The following MAOA variants were observed in gnomAD, a reference collection of about 807,000 sequenced individuals.
The protein encoded by MAOA is monoamine oxidase A, also known as amine oxidase [flavin-containing] A.
MAOA carries 6 observed loss-of-function variants against 42.0 expected under a neutral mutation model. That is an observed-to-expected ratio of 0.14 (90% CI 0.08 to 0.28). The LOEUF (loss-of-function observed/expected upper bound fraction) is 0.28, where lower values mean the gene tolerates loss of function less well. Among genes scored for constraint, MAOA ranks in the 10% least tolerant of loss-of-function variants. The pLI, the probability that MAOA is intolerant of heterozygous loss-of-function variation, is 1.00. For missense variants in MAOA, 262 were observed against 422.3 expected (o/e 0.62, Z 3.33); for synonymous variants, 140 against 154.0 (o/e 0.91, Z 0.67).
chrX:43,680,530 CCTTCTCCCCT>C (rs1183878519), intron 1 of MAOA, among the ~76,000 whole-genome samples: 1 of 110,847 alleles, frequency 9.0e-6, no homozygotes, highest in Non-Finnish European at 1.9e-5. Flanking sequence ...TTCCTTCCTT[CCTTCTCCCCT>C]CTCCTCCCCT....
chrX:43,717,135 G>A (rs1279457603), intron 5 of MAOA, among the ~76,000 whole-genome samples: 1 of 110,846 alleles, frequency 9.0e-6, no homozygotes, highest in Non-Finnish European at 1.9e-5. Flanking sequence ...ACCCTCAGGG[G>A]TAAGGGTAAA....
Position 43,712,730 on chromosome X carries a change from C to T in MAOA, c.437C>T (p.Ala146Val), listed in dbSNP as rs199524208. ...KEIPTDAPWE[A>V]QHADKWDKMT... ...ATTCCAACTGATGCACCCTGGGAGG[C>T]TCAACATGCTGACAAATGGGACAAA... The change falls in exon 5 of 15, where the codon GCT (alanine) becomes GTT (valine). Residue 146 changes from alanine (A) to valine (V), a missense_variant. This residue lies in a region of MAOA where 141 missense variants were observed against 195.6 expected (regional missense o/e 0.72). Transcript: ENST00000338702. 19 of 1,206,641 alleles carry T rather than the reference C, an allele frequency of 1.6e-5. No individual in the cohort carries two copies. In the Admixed American group the frequency reaches 2.6e-4, roughly 17 times the overall value.
At chrX:43,687,331 G>A (rs1222387269) in intron 2 of MAOA, among the ~76,000 whole-genome samples, 2 of 111,985 alleles carry the variant, frequency 1.8e-5, no homozygotes, top group Non-Finnish European at 3.8e-5. Context: ...AGGATTATTT[G>A]CTTTAAAGAT....
At chrX:43,669,002 TA>T (rs2033305830) in intron 1 of MAOA, among the ~76,000 whole-genome samples, 1 of 111,574 alleles carries the variant, frequency 9.0e-6, no homozygotes, top group African/African-American at 3.3e-5. Context: ...ATTTTGAGGA[TA>T]TTTTTCAGGT....
At chrX:43,662,485 GT>G (rs1281687114) in intron 1 of MAOA, among the ~76,000 whole-genome samples, 1 of 110,649 alleles carries the variant, frequency 9.0e-6, no homozygotes, top group African/African-American at 3.3e-5. Context: ...CTCAGCTATT[GT>G]GAAAAATGTA....
At chrX:43,702,383 G>C (rs995819678) in intron 3 of MAOA, among the ~76,000 whole-genome samples, 2 of 112,317 alleles carry the variant, frequency 1.8e-5, no homozygotes, top group African/African-American at 3.2e-5. Context: ...ACAGAAGTGA[G>C]AGAGAAAGAG....
At chrX:43,670,546 A>G (rs1242836835) in intron 1 of MAOA, among the ~76,000 whole-genome samples, 1 of 103,202 alleles carries the variant, frequency 9.7e-6, no homozygotes, top group Non-Finnish European at 2.0e-5. Flanking sequence ...TGCTGCACCC[A>G]TTAACTCGTC....
intron 1 of MAOA, among the ~76,000 whole-genome samples, chrX:43,657,165 T>C (rs993996397): frequency 2.1e-5 from 2 of 95,887 alleles, no homozygotes; most frequent in Non-Finnish European, 4.1e-5. Context: ...TTTATATATA[T>C]ATATGAACTG....
intron 3 of MAOA, among the ~76,000 whole-genome samples, chrX:43,708,464 G>A (rs1601939819): frequency 1.8e-5 from 2 of 110,780 alleles, no homozygotes; most frequent in East Asian, 2.9e-4. Flanking sequence ...ACATCTTCCA[G>A]GCCCCCCTAC....
At chrX:43,723,945 T>G (rs1301832929) in intron 5 of MAOA, among the ~76,000 whole-genome samples, 1 of 111,656 alleles carries the variant, frequency 9.0e-6, no homozygotes, top group African/African-American at 3.3e-5. Context: ...AATCTTGTGG[T>G]TTTTGTCATT....
chrX:43,730,317 C>T (rs964224065), intron 6 of MAOA, among the ~76,000 whole-genome samples: 12 of 109,528 alleles, frequency 1.1e-4, no homozygotes, highest in Non-Finnish European at 1.7e-4. Context: ...CCATGGTGAT[C>T]GTAGCAGAAG....
intron 5 of MAOA, among the ~76,000 whole-genome samples, chrX:43,721,650 G>T (rs1357620583): frequency 9.1e-6 from 1 of 109,510 alleles, no homozygotes; most frequent in Non-Finnish European, 1.9e-5. Context: ...TGCTTAGAGA[G>T]AACCTGGATT....
chrX:43,686,234 T>C (rs936018915), intron 2 of MAOA, among the ~76,000 whole-genome samples: 2 of 112,347 alleles, frequency 1.8e-5, no homozygotes, highest in Admixed American at 1.9e-4. Flanking sequence ...GCATTAGTCA[T>C]GTTGCGGATT....
At chrX:43,720,040 C>T in intron 5 of MAOA, among the ~76,000 whole-genome samples, 1 of 110,145 alleles carries the variant, frequency 9.1e-6, no homozygotes, top group East Asian at 2.9e-4. Context: ...GAACGTGACA[C>T]AGGCACTGCG....
In MAOA at chrX:43,674,502, G is replaced by A. The variant is rs1416950864; in HGVS notation, c.74-9011G>A. Among the ~76,000 whole-genome samples the A allele has an allele frequency of 8.2e-5, 9 of 110,130 alleles. No homozygotes were observed. In the South Asian group the frequency reaches 1.2e-3, roughly 14 times the overall value. On this transcript the variant is annotated intron_variant, in intron 1 of 14. Transcript: ENST00000338702. Reference sequence around the variant, plus strand: ...GATCCTGTCATTATGATGTTAGCTGGTTATTTTGCTCGTTAGTTGATGCAG... The same window carrying A: ...GATCCTGTCATTATGATGTTAGCTGATTATTTTGCTCGTTAGTTGATGCAG...
intron 1 of MAOA, among the ~76,000 whole-genome samples, chrX:43,658,824 T>G (rs1483694749): frequency 8.9e-6 from 1 of 111,934 alleles, no homozygotes; most frequent in Non-Finnish European, 1.9e-5. Context: ...TGGCTCGTGT[T>G]AGATCCTGGA....
rs1274725888 is a variant in MAOA at position 43,746,654 on chromosome X, CTA to C, written c.*2143_*2144del. On this transcript the variant is annotated 3_prime_UTR_variant, in exon 15 of 15. Coordinates refer to ENST00000338702, the MANE Select transcript of MAOA (RefSeq NM_000240.4). ...AGAGTATGGATTGAAGGATTGTGAACTATGTTTAGTGTGATTGTGAACTTGGT... is the reference window on the plus strand; with the variant it reads ...AGAGTATGGATTGAAGGATTGTGAACTGTTTAGTGTGATTGTGAACTTGGT... 8.9e-6 allele frequency: 1 copy of C among 112,083 alleles called. No individual in the cohort carries two copies. 9.2% of individuals were successfully genotyped at this position (112,083 alleles called of 1,213,427 possible).
chrX:43,708,358 T>G (rs1165251716), intron 3 of MAOA, among the ~76,000 whole-genome samples: 1 of 111,263 alleles, frequency 9.0e-6, no homozygotes, highest in Non-Finnish European at 1.9e-5. Flanking sequence ...GGCTTAGTAT[T>G]GAGAAACTGC....
At chrX:43,696,585 C>A (rs1008574152) in intron 3 of MAOA, among the ~76,000 whole-genome samples, 1 of 110,203 alleles carries the variant, frequency 9.1e-6, no homozygotes, top group Non-Finnish European at 1.9e-5. Flanking sequence ...AAAAATTAGC[C>A]GGGCGTGCTG....
Sources: gnomAD v4.1 joint callset for allele counts (sites outside exome capture counted in the v4.1 genomes callset) on GRCh38, gnomAD v4.1.1 for gene constraint, gnomAD v4.1.1 regional missense constraint, MANE v1.5 for transcripts, NCBI Gene and HGNC (gene_info 2026-07-23, HGNC 2026-07-21) for gene names.